Variants in CD36 observed in about 807,000 individuals in gnomAD.
CD36 encodes the protein platelet glycoprotein 4.
CD36 carries 119 observed loss-of-function variants against 55.2 expected under a neutral mutation model. That is an observed-to-expected ratio of 2.15 (90% confidence interval 1.86 to 2.51). The LOEUF (loss-of-function observed/expected upper bound fraction) is 2.51, where lower values mean the gene tolerates loss of function less well. Among genes scored for constraint, CD36 ranks in the 30% most tolerant of loss-of-function variants. The pLI is 0.00. For missense variants in CD36, 819 were observed against 555.5 expected, an observed-to-expected ratio of 1.47 and a Z score of -4.77; for synonymous variants, 186 against 193.6, an observed-to-expected ratio of 0.96 and a Z score of 0.33.
At chr7:80,646,497 A>G (rs997590087) in intron 2 of CD36, 155 bp from the exon 3 acceptor site, 3 of 497,244 alleles carry the variant, frequency 6.0e-6, no homozygotes, top group Non-Finnish European at 1.1e-5. Context: ...GAAAAGGGAG[A>G]CGGACCGAGG....
At chr7:80,629,898 CT>C (rs56195239) in intron 1 of CD36, among the ~76,000 whole-genome samples, 77,701 of 146,262 alleles carry the variant, frequency 0.53, 20,477 homozygotes, top group Admixed American at 0.56. Flanking sequence ...CAATAGTAGC[CT>C]TTTTTTTTTT....
At chr7:80,626,827 G>C (rs1419053727) in intron 1 of CD36, among the ~76,000 whole-genome samples, 1 of 151,908 alleles carries the variant, frequency 6.6e-6, no homozygotes, top group African/African-American at 2.4e-5. Flanking sequence ...CAAAAATTTT[G>C]CCCTTTCTGA....
At chr7:80,613,131 A>T (rs566985968) in intron 1 of CD36, among the ~76,000 whole-genome samples, 1 of 152,192 alleles carries the variant, frequency 6.6e-6, no homozygotes, top group Admixed American at 6.5e-5. Flanking sequence ...CACACAAAGA[A>T]AAAGTATCTT....
At chr7:80,633,654 CATACTA>C (rs1794218480), upstream of CD36, among the ~76,000 whole-genome samples, 1 of 151,976 alleles carries the variant, frequency 6.6e-6, no homozygotes, top group African/African-American at 2.4e-5. Context: ...GCAGTTAGAA[CATACTA>C]ATACTTTAAT....
chr7:80,605,843 C>T (rs926230278), intron 1 of CD36, among the ~76,000 whole-genome samples: 3 of 152,098 alleles, frequency 2.0e-5, no homozygotes, highest in African/African-American at 7.2e-5. Context: ...TACATCTAAG[C>T]AGATGCATAG....
intron 6 of CD36, among the ~76,000 whole-genome samples, chr7:80,664,043 A>G (rs961088623): frequency 6.6e-6 from 1 of 152,178 alleles, no homozygotes; most frequent in Non-Finnish European, 1.5e-5. Flanking sequence ...GTAACCACTT[A>G]TTAATGACTG....
At chr7:80,668,631 T>A (rs1188362936) in intron 8 of CD36, among the ~76,000 whole-genome samples, 1 of 152,196 alleles carries the variant, frequency 6.6e-6, no homozygotes, top group Non-Finnish European at 1.5e-5. Flanking sequence ...TAATCTTCAA[T>A]GATATTTTAG....
intron 3 of CD36, among the ~76,000 whole-genome samples, chr7:80,648,915 G>T (rs1018126085): frequency 6.6e-6 from 1 of 152,078 alleles, no homozygotes; most frequent in African/African-American, 2.4e-5. Flanking sequence ...GAAGAAGGTA[G>T]AGAATGTGCC....
At chr7:80,612,862 A>G (rs1468347789) in intron 1 of CD36, among the ~76,000 whole-genome samples, 1 of 152,156 alleles carries the variant, frequency 6.6e-6, no homozygotes, top group Non-Finnish European at 1.5e-5. Flanking sequence ...AACACTTTAT[A>G]TCCACTAAGC....
chr7:80,666,375 G>T (rs1584440940), intron 7 of CD36, 68 bp from the exon 8 acceptor site: 1 of 1,032,678 alleles, frequency 9.7e-7, no homozygotes, highest in Non-Finnish European at 1.5e-6. Context: ...AATTATAATA[G>T]AAAAAGTAAT....
chr7:80,639,352 C>A (rs1794658230), intron 1 of CD36, among the ~76,000 whole-genome samples: 1 of 151,806 alleles, frequency 6.6e-6, no homozygotes, highest in Non-Finnish European at 1.5e-5. Context: ...CTGGGAATAG[C>A]AAAGTATATT....
At chr7:80,655,698 T>A (rs990202953) in intron 3 of CD36, among the ~76,000 whole-genome samples, 28 of 152,154 alleles carry the variant, frequency 1.8e-4, no homozygotes, top group African/African-American at 6.5e-4. Context: ...ACACCTGTAA[T>A]TCCAGCCTTT....
At chr7:80,618,508 CCAAA>C (rs1793290322) in intron 1 of CD36, among the ~76,000 whole-genome samples, 1 of 152,112 alleles carries the variant, frequency 6.6e-6, no homozygotes, top group African/African-American at 2.4e-5. Flanking sequence ...GCCTCTGACA[CCAAA>C]CAGTTAGCTA....
rs562164730 is a variant in CD36, at chr7:80,625,540, T to A, written c.-183-20548T>A. On this transcript the variant is annotated intron_variant, in intron 1 of 13. Transcript: ENST00000309881. ...TCATTCAAAAAATCATAACCTTGCT[T>A]GTATTTCAGATCTGTGCAATTCTAT... Among the ~76,000 whole-genome samples the A allele has an allele frequency of 3.3e-5, 5 of 152,268 alleles. No homozygotes were observed. In the East Asian group the frequency reaches 9.7e-4, roughly 29 times the overall value.
In CD36 at chr7:80,656,573, A is replaced by T. The variant is rs768992385; in HGVS notation, c.154A>T (p.Lys52Ter). ...VVLEEGTIAF[K>*]NWVKTGTEVY... ...CCTCGAAGAAGGTACAATTGCTTTT[A>T]AAAATTGGGTTAAAACAGGCACAGA... is the stretch of plus-strand genomic sequence containing the variant. Residue 52 changes from lysine (K) to a stop codon, truncating the protein, a stop_gained, in exon 4 of 15, where the codon AAA becomes TAA. Transcript: ENST00000447544. LOFTEE classifies it high-confidence loss of function. The T allele has an allele frequency of 1.2e-5, 20 of 1,610,754 alleles. No individual in the cohort carries two copies. Among genetic ancestry groups the T allele is most frequent in the East Asian group, 2.2e-5 (1 of 44,826 alleles).
chr7:80,658,872 C>T (rs1796302439), intron 4 of CD36, among the ~76,000 whole-genome samples: 3 of 152,126 alleles, frequency 2.0e-5, no homozygotes, highest in Non-Finnish European at 4.4e-5. Context: ...TGGTAGTTGA[C>T]AGCTGATCTA....
chr7:80,652,152 A>G (rs1795676607), intron 3 of CD36, among the ~76,000 whole-genome samples: 1 of 152,208 alleles, frequency 6.6e-6, no homozygotes, highest in African/African-American at 2.4e-5. Context: ...ATAAAAACGA[A>G]TTAAACACTA....
Position 80,673,407 on chromosome 7 carries a change from GA to G in CD36, c.1253del (p.Glu418GlyfsTer17). On this transcript the variant is annotated frameshift_variant and splice_region_variant, in exon 13 of 15. Transcript: ENST00000447544. LOFTEE classifies it high-confidence loss of function. ...NYIVPILWLNETGTIGDEKAN... is the reference protein window; with the variant it reads ...NYIVPILWLNXTGTIGDEKAN... ...TATTGTGCCTATTCTTTGGCTTAAT[GA>G]GGTTTGTATTTGCAGCTGTTAGTCA... The G allele has an allele frequency of 1.3e-6, 2 of 1,562,792 alleles. No homozygotes were observed. The highest frequency in any genetic ancestry group is 8.8e-7 in the Non-Finnish European group (1 of 1,134,016).
At chr7:80,654,539 C>A (rs1014335416) in intron 3 of CD36, among the ~76,000 whole-genome samples, 2 of 152,116 alleles carry the variant, frequency 1.3e-5, no homozygotes, top group Non-Finnish European at 2.9e-5. Flanking sequence ...GCTTCAACAT[C>A]CTCACCAAAC....
Sources: allele counts gnomAD v4.1 joint callset (sites outside exome capture counted in the v4.1 genomes callset), GRCh38; gene constraint gnomAD v4.1.1; transcripts MANE v1.5; gene names NCBI Gene and HGNC (gene_info 2026-07-23, HGNC 2026-07-21).